Variants in SCG3 observed in about 807,000 individuals in gnomAD.
The protein encoded by SCG3 is secretogranin-3.
A neutral mutation model predicts 56.2 loss-of-function variants in SCG3; 38 were observed. The observed-to-expected ratio is 0.68, with a 90% CI of 0.52 to 0.89. The LOEUF is 0.89. Among genes scored for constraint, SCG3 ranks in the 40% least tolerant of loss-of-function variants. SCG3 has a pLI of 0.00. For missense variants in SCG3, 524 were observed against 540.7 expected (o/e 0.97, Z 0.31); for synonymous variants, 176 against 184.2 (o/e 0.96, Z 0.36).
At chr15:51,686,541 G>T (rs1187368645) in intron 4 of SCG3, among the ~76,000 whole-genome samples, 4 of 152,174 alleles carry the variant, frequency 2.6e-5, no homozygotes, top group Non-Finnish European at 4.4e-5. Flanking sequence ...ATAGACTGGG[G>T]CAGTTTCTGC....
At chr15:51,693,510 A>T (rs536651451) in intron 7 of SCG3, 1 of 152,132 alleles carries the variant, frequency 6.6e-6, no homozygotes, top group African/African-American at 2.4e-5. Flanking sequence ...TTAACTGAGG[A>T]TTCAGTCCAT....
At position 51,683,250 on chromosome 15, in the gene SCG3, T is replaced by C; in HGVS notation, c.213T>C (p.Phe71=). ...AGCCAGGTCAGAGCAACTATTCTTT[T>C]GTTGATAACTTGAACCTGCTAAAGG... is the stretch of plus-strand genomic sequence containing the variant. The part of the protein sequence containing the change: ...ENKPGQSNYS[F]VDNLNLLKAI... Residue 71 remains phenylalanine (F), a synonymous_variant, in exon 4 of 12, where the codon TTT becomes TTC. Transcript: ENST00000220478. The C allele has an allele frequency of 6.2e-7, 1 of 1,613,820 alleles. No homozygotes were observed. The highest frequency in any genetic ancestry group is 8.5e-7 in the Non-Finnish European group (1 of 1,179,854).
chr15:51,711,452 A>G (rs1360515569), intron 10 of SCG3, among the ~76,000 whole-genome samples: 5 of 152,242 alleles, frequency 3.3e-5, no homozygotes, highest in Non-Finnish European at 7.3e-5. Flanking sequence ...AGCCCTAACT[A>G]CCTAATGAGT....
intron 11 of SCG3, among the ~76,000 whole-genome samples, chr15:51,716,451 T>G (rs1466095347): frequency 6.6e-6 from 1 of 152,220 alleles, no homozygotes; most frequent in Non-Finnish European, 1.5e-5. Context: ...GCTTTGTACC[T>G]GTTAGATGTT....
intron 10 of SCG3, among the ~76,000 whole-genome samples, chr15:51,704,782 T>C (rs1404685452): frequency 7.5e-6 from 1 of 133,998 alleles, no homozygotes; most frequent in Non-Finnish European, 1.6e-5. Context: ...TATATATATA[T>C]ATATATATAT....
chr15:51,704,159 C>T (rs1249581460), intron 10 of SCG3, among the ~76,000 whole-genome samples: 2 of 149,978 alleles, frequency 1.3e-5, no homozygotes, highest in African/African-American at 4.9e-5. Context: ...TGCTTTGACA[C>T]TTCCATTCAA....
At chr15:51,694,718 A>C (rs2055290801) in intron 7 of SCG3, among the ~76,000 whole-genome samples, 1 of 152,178 alleles carries the variant, frequency 6.6e-6, no homozygotes, top group African/African-American at 2.4e-5. Context: ...AAGATGCAGA[A>C]CAGAATGTCA....
In SCG3 at chr15:51,719,391, C is replaced by T; in HGVS notation, c.1289-17C>T. On this transcript the variant is annotated splice_polypyrimidine_tract_variant and intron_variant, in intron 11 of 11. Transcript: ENST00000220478. Reference sequence around the variant, plus strand: ...TTTCCTGATCTTTGCTCATTATGCTCTAATAATATTTTCCAGATTATGACC... The same window carrying T: ...TTTCCTGATCTTTGCTCATTATGCTTTAATAATATTTTCCAGATTATGACC... The T allele has an allele frequency of 6.4e-7, 1 of 1,573,664 alleles. No homozygotes were observed. Among genetic ancestry groups the T allele is most frequent in the Non-Finnish European group, 8.7e-7 (1 of 1,144,272 alleles).
At chr15:51,681,902 A>G (rs972996856) in intron 1 of SCG3, 65 bp downstream of exon 1, 2 of 1,302,802 alleles carry the variant, frequency 1.5e-6, no homozygotes, top group Non-Finnish European at 2.2e-6. Context: ...AAAGTTTGGC[A>G]TAATACGTGA....
intron 10 of SCG3, among the ~76,000 whole-genome samples, chr15:51,702,031 T>C (rs2055342863): frequency 6.6e-6 from 1 of 152,128 alleles, no homozygotes; most frequent in Non-Finnish European, 1.5e-5. Flanking sequence ...CATGTATACA[T>C]ATGTAACAAA....
chr15:51,716,014 T>A (rs184495023), intron 11 of SCG3, among the ~76,000 whole-genome samples: 233 of 152,264 alleles, frequency 1.5e-3, no homozygotes, highest in Non-Finnish European at 1.6e-3. Context: ...CCCGCCACCA[T>A]GCCTGGCTAA....
At chr15:51,685,816 C>A (rs1463425152) in intron 4 of SCG3, among the ~76,000 whole-genome samples, 1 of 152,190 alleles carries the variant, frequency 6.6e-6, no homozygotes, top group Admixed American at 6.5e-5. Flanking sequence ...AATTTAGGAT[C>A]TTTCCAAATT....
intron 10 of SCG3, among the ~76,000 whole-genome samples, chr15:51,709,257 C>A (rs1295942557): frequency 6.6e-6 from 1 of 152,066 alleles, no homozygotes; most frequent in East Asian, 1.9e-4. Flanking sequence ...ACAAGAACAG[C>A]AGCATGGGGG....
At chr15:51,716,137 G>A (rs2055454151) in intron 11 of SCG3, among the ~76,000 whole-genome samples, 1 of 152,214 alleles carries the variant, frequency 6.6e-6, no homozygotes, top group South Asian at 2.1e-4. Flanking sequence ...GATTACAGGT[G>A]TGAGCCACCG....
chr15:51,683,873 T>A (rs187329535), intron 4 of SCG3, among the ~76,000 whole-genome samples: 53 of 152,358 alleles, frequency 3.5e-4, no homozygotes, highest in African/African-American at 1.3e-3. Context: ...ATCCTAACCT[T>A]TACGTGGCTT....
At chr15:51,702,084 A>T (rs1049829615) in intron 10 of SCG3, among the ~76,000 whole-genome samples, 1 of 151,578 alleles carries the variant, frequency 6.6e-6, no homozygotes, top group South Asian at 2.1e-4. Flanking sequence ...AAAGTATAAT[A>T]AAAAAAATTT....
chr15:51,714,763 G>A (rs2055442792), intron 11 of SCG3, among the ~76,000 whole-genome samples: 1 of 152,166 alleles, frequency 6.6e-6, no homozygotes, highest in Admixed American at 6.5e-5. Flanking sequence ...TCAGCACCCT[G>A]GTAGCTTAGG....
intron 10 of SCG3, among the ~76,000 whole-genome samples, chr15:51,704,236 CATACATACATATAT>C (rs1165111166): frequency 0.014 from 762 of 54,300 alleles, 12 homozygotes; most frequent in African/African-American, 0.041. Flanking sequence ...TGTATACATA[CATACATACATATAT>C]ATATATATAT....
At chr15:51,693,410 C>T (rs948284081) in intron 7 of SCG3, 2 of 152,170 alleles carry the variant, frequency 1.3e-5, no homozygotes, top group Non-Finnish European at 2.9e-5. Flanking sequence ...GAACCTCAAA[C>T]ACACTTGGGA....
Sources: allele counts gnomAD v4.1 joint callset (sites outside exome capture counted in the v4.1 genomes callset), GRCh38; gene constraint gnomAD v4.1.1; transcripts MANE v1.5; gene names NCBI Gene and HGNC (gene_info 2026-07-23, HGNC 2026-07-21).